The following HTR1F variants were observed in gnomAD, a reference collection of about 807,000 sequenced individuals.
HTR1F encodes 5-hydroxytryptamine (serotonin) receptor 1F, G protein-coupled.
A neutral mutation model predicts 24.0 loss-of-function variants in HTR1F; 17 were observed. The observed-to-expected ratio is 0.71, with a 90% confidence interval of 0.48 to 1.06. HTR1F has a LOEUF of 1.06. Among genes scored for constraint, HTR1F ranks in the 50% least tolerant of loss-of-function variants. The pLI, the probability that HTR1F is intolerant of heterozygous loss-of-function variation, is 0.00. For missense variants in HTR1F, 391 were observed against 427.8 expected (o/e 0.91, Z 0.76); for synonymous variants, 186 against 156.8 (o/e 1.19, Z -1.39).
At chr3:87,854,281 G>A (rs1020003420) in intron 2 of HTR1F, among the ~76,000 whole-genome samples, 1 of 151,550 alleles carries the variant, frequency 6.6e-6, no homozygotes, top group African/African-American at 2.4e-5. Flanking sequence ...TTGATTTTCT[G>A]TTTTCTTGAA....
chr3:87,802,290 CCCTCCCTCCCTTCCTTCCTTCCTT>C (rs1170468981), intron 1 of HTR1F, among the ~76,000 whole-genome samples: 1 of 108,388 alleles, frequency 9.2e-6, no homozygotes, highest in Non-Finnish European at 1.7e-5. Flanking sequence ...TTCCCTCCCT[CCCTCCCTCCCTTCCTTCCTTCCTT>C]CCTCCCTTCC....
At chr3:87,836,974 A>T (rs1170574293) in intron 2 of HTR1F, among the ~76,000 whole-genome samples, 1 of 152,082 alleles carries the variant, frequency 6.6e-6, no homozygotes, top group Non-Finnish European at 1.5e-5. Context: ...AGAACATTTC[A>T]TATCAGTGAT....
At chr3:87,936,522 T>C (rs1704422206) in intron 2 of HTR1F, among the ~76,000 whole-genome samples, 1 of 152,066 alleles carries the variant, frequency 6.6e-6, no homozygotes, top group East Asian at 1.9e-4. Flanking sequence ...AATAAATAAA[T>C]TAGAAAAAGA....
chr3:87,808,848 C>T lies in HTR1F; in HGVS notation c.-159-13160C>T, dbSNP rs747471588. Among the ~76,000 whole-genome samples, 14 of 151,726 alleles carry T rather than the reference C, an allele frequency of 9.2e-5. No individual in the cohort carries two copies. In the East Asian group the frequency reaches 2.3e-3, roughly 25 times the overall value. On this transcript the variant is annotated intron_variant, in intron 1 of 2. Coordinates refer to ENST00000319595, the MANE Select transcript of HTR1F (RefSeq NM_001322209.2). ...GTTTCTAGAATTGTTTTGATTTAACCGTAATTTCTTCCTTGACCCAGTGGT... is the reference window on the plus strand; with the variant it reads ...GTTTCTAGAATTGTTTTGATTTAACTGTAATTTCTTCCTTGACCCAGTGGT...
At chr3:87,928,153 C>G (rs1365961469) in intron 2 of HTR1F, among the ~76,000 whole-genome samples, 3 of 151,284 alleles carry the variant, frequency 2.0e-5, no homozygotes, top group South Asian at 2.1e-4. Flanking sequence ...TCAAGTGACT[C>G]TCATGCCTCA....
At chr3:87,820,966 T>C (rs1227863802) in intron 1 of HTR1F, among the ~76,000 whole-genome samples, 1 of 152,140 alleles carries the variant, frequency 6.6e-6, no homozygotes, top group Non-Finnish European at 1.5e-5. Context: ...ATCAACTATC[T>C]TTCAACTGAA....
intron 2 of HTR1F, among the ~76,000 whole-genome samples, chr3:87,976,024 T>A (rs897880408): frequency 7.9e-5 from 12 of 152,242 alleles, no homozygotes; most frequent in Admixed American, 3.3e-4. Flanking sequence ...TCAGTATTAA[T>A]CATTTGTCTT....
intron 2 of HTR1F, among the ~76,000 whole-genome samples, chr3:87,832,316 CTTTT>C (rs60414125): frequency 8.0e-6 from 1 of 125,510 alleles, no homozygotes; most frequent in Non-Finnish European, 1.7e-5. Context: ...AATATCCCTT[CTTTT>C]TTTTTTTTTT....
intron 2 of HTR1F, among the ~76,000 whole-genome samples, chr3:87,885,433 C>G (rs1045608233): frequency 2.6e-5 from 4 of 152,076 alleles, no homozygotes; most frequent in African/African-American, 9.7e-5. Flanking sequence ...ATTAAAAGAA[C>G]TAGAGAAGCA....
At chr3:87,895,699 C>T (rs779320842) in intron 2 of HTR1F, among the ~76,000 whole-genome samples, 55 of 152,122 alleles carry the variant, frequency 3.6e-4, no homozygotes, top group Non-Finnish European at 4.3e-4. Context: ...GCTCATTTGA[C>T]AGATTAAATG....
At chr3:87,816,335 T>C (rs1272012922) in intron 1 of HTR1F, among the ~76,000 whole-genome samples, 1 of 152,156 alleles carries the variant, frequency 6.6e-6, no homozygotes, top group African/African-American at 2.4e-5. Flanking sequence ...TTTTAAGCAT[T>C]CTTTCTGTGT....
At chr3:87,960,342 G>A (rs1162445020) in intron 2 of HTR1F, among the ~76,000 whole-genome samples, 5 of 151,972 alleles carry the variant, frequency 3.3e-5, no homozygotes, top group African/African-American at 7.2e-5. Flanking sequence ...TCAGAAAATA[G>A]TAGCTGCCCA....
chr3:87,863,564 A>G (rs1020397810), intron 2 of HTR1F, among the ~76,000 whole-genome samples: 19 of 152,104 alleles, frequency 1.2e-4, no homozygotes, highest in Non-Finnish European at 1.0e-4. Context: ...ATTTTTTTCC[A>G]GTTTCCAATA....
chr3:87,882,881 A>T lies in HTR1F; in HGVS notation c.-43+60757A>T, dbSNP rs1219660740. On this transcript the variant is annotated intron_variant, in intron 2 of 2. Coordinates refer to ENST00000319595, the MANE Select transcript of HTR1F (RefSeq NM_001322209.2). Reference sequence around the variant, plus strand: ...AATAAAAAAATAAAAAATAAATTTAAAAAAAAGGCAGCAGACAACTTCTGC... The same window carrying T: ...AATAAAAAAATAAAAAATAAATTTATAAAAAAGGCAGCAGACAACTTCTGC... Among the ~76,000 whole-genome samples, 5 of 152,106 alleles carry T rather than the reference A, an allele frequency of 3.3e-5. No homozygotes were observed. The East Asian group carries it at 9.6e-4, about 29-fold the overall frequency.
chr3:87,802,138 T>TTCCC (rs1704001923), intron 1 of HTR1F, among the ~76,000 whole-genome samples: 1 of 99,346 alleles, frequency 1.0e-5, no homozygotes, highest in South Asian at 5.1e-4. Context: ...CCCTCCCTTC[T>TTCCC]TCCCTCCCTC....
chr3:87,880,347 T>TA (rs1450378087), intron 2 of HTR1F, among the ~76,000 whole-genome samples: 1 of 152,144 alleles, frequency 6.6e-6, no homozygotes, highest in Admixed American at 6.5e-5. Flanking sequence ...TAAAATTTTT[T>TA]AAAGATAATT....
chr3:87,983,463 T>A (rs549383676), intron 2 of HTR1F, among the ~76,000 whole-genome samples: 8 of 152,232 alleles, frequency 5.3e-5, no homozygotes, highest in African/African-American at 1.9e-4. Flanking sequence ...AATTCAAAAC[T>A]CTACAATCCC....
chr3:87,808,108 G>C (rs1211859643), intron 1 of HTR1F, among the ~76,000 whole-genome samples: 3 of 151,776 alleles, frequency 2.0e-5, no homozygotes, highest in Non-Finnish European at 4.4e-5. Flanking sequence ...TCTGGTTTTG[G>C]TATCAGGATA....
chr3:87,944,631 T>A (rs1407192156), intron 2 of HTR1F, among the ~76,000 whole-genome samples: 4 of 152,236 alleles, frequency 2.6e-5, no homozygotes, highest in African/African-American at 7.2e-5. Flanking sequence ...GGTGTTAAAT[T>A]ACCTTTTTCT....
Sources: gnomAD v4.1 joint callset for allele counts (sites outside exome capture counted in the v4.1 genomes callset) on GRCh38, gnomAD v4.1.1 for gene constraint, MANE v1.5 for transcripts, NCBI Gene and HGNC (gene_info 2026-07-23, HGNC 2026-07-21) for gene names.